Variants in MED13 observed in about 807,000 individuals in gnomAD.
MED13 encodes mediator complex subunit 13.
A neutral mutation model predicts 225.2 loss-of-function variants in MED13; 23 were observed. The ratio of observed to expected loss-of-function variants is 0.10; its 90% CI spans 0.07 to 0.14. MED13 has a LOEUF of 0.14. Ranked by LOEUF, MED13 falls within the 10% of genes least tolerant of loss-of-function variation. The pLI is 1.00. For missense variants in MED13, 2,197 were observed against 2,594.5 expected (o/e 0.85, Z 3.33); for synonymous variants, 942 against 889.2 (o/e 1.06, Z -1.06).
chr17:62,002,483 C>T (rs1028070765), intron 9 of MED13, among the ~76,000 whole-genome samples: 1 of 131,308 alleles, frequency 7.6e-6, no homozygotes, highest in Admixed American at 7.4e-5. Context: ...AAGCAAAACT[C>T]CATCTCAAAA....
rs1461454137 is a variant in MED13 at position 62,033,999 on chromosome 17, C to T, written c.617-15G>A. 4 of 1,607,690 alleles carry T rather than the reference C, an allele frequency of 2.5e-6. No homozygotes were observed. Among genetic ancestry groups the T allele is most frequent in the African/African-American group, 1.3e-5 (1 of 74,592 alleles). On this transcript the variant is annotated splice_polypyrimidine_tract_variant and intron_variant, in intron 4 of 29. Coordinates refer to ENST00000397786, the MANE Select transcript of MED13 (RefSeq NM_005121.3). ...GCATAAGATAACTAGAAACCCAAAG[C>T]AGACATCAAATAAGTAACAAAAGAC...
chr17:62,043,406 A>G (rs2080872518), intron 3 of MED13, among the ~76,000 whole-genome samples: 1 of 152,150 alleles, frequency 6.6e-6, no homozygotes, highest in African/African-American at 2.4e-5. Flanking sequence ...GGCTACAGGG[A>G]AAACAATAAA....
intron 16 of MED13, among the ~76,000 whole-genome samples, chr17:61,977,868 G>C (rs2080170553): frequency 6.6e-6 from 1 of 152,162 alleles, no homozygotes; most frequent in Admixed American, 6.5e-5. Context: ...TGGGATTACA[G>C]AGGTGAGCCA....
intron 17 of MED13, among the ~76,000 whole-genome samples, chr17:61,971,793 G>A (rs947906414): frequency 4.6e-5 from 7 of 151,970 alleles, no homozygotes. Flanking sequence ...AATGAGCCGG[G>A]CATGGTGGCG....
chr17:61,946,162 G>A lies in MED13; in HGVS notation c.*306C>T, dbSNP rs1397847716. On this transcript the variant is annotated 3_prime_UTR_variant, in exon 30 of 30. Transcript: ENST00000397786. ...CATGCTTTTAATATTCATTTAACAT[G>A]ACTGGGTACTATGGCTCATTACTTT... The A allele has an allele frequency of 1.8e-5, 4 of 217,914 alleles. No individual in the cohort carries two copies. The highest frequency in any genetic ancestry group is 4.6e-5 in the African/African-American group (2 of 43,070). 13.5% of individuals were successfully genotyped at this position (217,914 alleles called of 1,614,324 possible).
intron 2 of MED13, among the ~76,000 whole-genome samples, chr17:62,055,487 A>G (rs1338923213): frequency 6.6e-6 from 1 of 152,162 alleles, no homozygotes; most frequent in Non-Finnish European, 1.5e-5. Context: ...TTTATTTTGT[A>G]AAATCTATTT....
chr17:62,024,777 C>T (rs1242661265), intron 8 of MED13, among the ~76,000 whole-genome samples: 1 of 152,202 alleles, frequency 6.6e-6, no homozygotes, highest in Admixed American at 6.5e-5. Flanking sequence ...TAAGTGAGAA[C>T]AGGCAATATT....
In MED13 at chr17:62,065,274, G is replaced by A. The variant is rs1603411184; in HGVS notation, c.-69C>T. 1.1e-5 allele frequency: 8 copies of A among 752,854 alleles called. No homozygotes were observed. The highest frequency in any genetic ancestry group is 1.8e-4 in the East Asian group (2 of 11,392). 46.6% of individuals were successfully genotyped at this position (752,854 alleles called of 1,614,324 possible). A position where few individuals can be genotyped will look rare whatever the true frequency, so the allele number is the denominator to read the frequency against. On this transcript the variant is annotated 5_prime_UTR_variant, in exon 1 of 30. Coordinates refer to ENST00000397786, the MANE Select transcript of MED13 (RefSeq NM_005121.3). ...GCCATTACCGCCGCCTCCGACCAGA[G>A]AGAGAAACACAGACACCGGGGAGGG...
chr17:62,061,229 T>G (rs1409100409), intron 2 of MED13, among the ~76,000 whole-genome samples: 2 of 152,032 alleles, frequency 1.3e-5, no homozygotes, highest in Non-Finnish European at 2.9e-5. Flanking sequence ...TCTATTACGG[T>G]AAAACTAGGC....
chr17:61,957,857 CA>C (rs1429017769), intron 23 of MED13, among the ~76,000 whole-genome samples: 1 of 152,100 alleles, frequency 6.6e-6, no homozygotes, highest in Non-Finnish European at 1.5e-5. Flanking sequence ...GGCTGAGCAA[CA>C]GTGGCTATTA....
intron 9 of MED13, among the ~76,000 whole-genome samples, chr17:62,003,275 A>T (rs2143551750): frequency 6.6e-6 from 1 of 152,244 alleles, no homozygotes; most frequent in Non-Finnish European, 1.5e-5. Context: ...TTATCATCTA[A>T]TCTATTATCA....
intron 10 of MED13, among the ~76,000 whole-genome samples, chr17:61,993,346 C>T (rs2080318789): frequency 6.6e-6 from 1 of 151,374 alleles, no homozygotes; most frequent in South Asian, 2.1e-4. Context: ...AGATTACAGG[C>T]ATGCACCACC....
chr17:62,034,138 G>A (rs747214672), intron 4 of MED13, among the ~76,000 whole-genome samples, 154 bp from the exon 5 acceptor site: 3 of 152,094 alleles, frequency 2.0e-5, no homozygotes, highest in Non-Finnish European at 2.9e-5. Flanking sequence ...ATTATACTTC[G>A]TTACTGTGAA....
At chr17:62,038,830 AT>A (rs367641054) in intron 3 of MED13, among the ~76,000 whole-genome samples, 13,100 of 149,774 alleles carry the variant, frequency 0.087, 1,907 homozygotes, top group African/African-American at 0.3. Flanking sequence ...CACCCAGCTA[AT>A]TTTTTTTTTC....
chr17:61,967,641 T>C (rs1441539018), intron 18 of MED13, among the ~76,000 whole-genome samples: 1 of 152,198 alleles, frequency 6.6e-6, no homozygotes, highest in Non-Finnish European at 1.5e-5. Flanking sequence ...ATATCTAGCA[T>C]AGATTTATTT....
chr17:62,019,746 C>CT (rs60862205), intron 8 of MED13, among the ~76,000 whole-genome samples: 3,197 of 142,936 alleles, frequency 0.022, 94 homozygotes, highest in African/African-American at 0.069. Flanking sequence ...TTCTTTTTTT[C>CT]TTTTTTTTTT....
intron 3 of MED13, among the ~76,000 whole-genome samples, chr17:62,050,285 G>C (rs2080944292): frequency 6.6e-6 from 1 of 151,766 alleles, no homozygotes; most frequent in Admixed American, 6.6e-5. Flanking sequence ...TTGAACCTGG[G>C]AGGCAGAGGT....
At chr17:62,061,951 G>A (rs2081042381) in intron 2 of MED13, among the ~76,000 whole-genome samples, 2 of 152,178 alleles carry the variant, frequency 1.3e-5, no homozygotes, top group African/African-American at 2.4e-5. Context: ...ATGTTCATTA[G>A]AATGTGAAAA....
intron 28 of MED13, among the ~76,000 whole-genome samples, chr17:61,948,526 C>T (rs2143277073): frequency 6.6e-6 from 1 of 152,084 alleles, no homozygotes; most frequent in South Asian, 2.1e-4. Context: ...GTTTTTCAGA[C>T]TTTAGTGTGC....
Sources: gnomAD v4.1 joint callset for allele counts (sites outside exome capture counted in the v4.1 genomes callset) on GRCh38, gnomAD v4.1.1 for gene constraint, MANE v1.5 for transcripts, NCBI Gene and HGNC (gene_info 2026-07-23, HGNC 2026-07-21) for gene names.